The following SLC22A3 variants were observed in gnomAD, a reference collection of about 807,000 sequenced individuals.
SLC22A3 encodes EMT organic cation transporter 3.
SLC22A3 carries 51 observed loss-of-function variants against 59.1 expected under a neutral mutation model. The ratio of observed to expected loss-of-function variants is 0.86; its 90% CI spans 0.69 to 1.09. SLC22A3 has a LOEUF of 1.09. Ranked by LOEUF, SLC22A3 falls within the 50% of genes least tolerant of loss-of-function variation. The probability of loss-of-function intolerance (pLI) is 0.00; values close to 1 mark genes in which losing one functional copy is unlikely to be tolerated. For synonymous variants in SLC22A3, 325 were observed against 292.0 expected, an observed-to-expected ratio of 1.11 and a Z score of -1.15; for missense variants, 711 against 726.3, an observed-to-expected ratio of 0.98 and a Z score of 0.24.
At chr6:160,450,519 G>A (rs1401106407) in intron 10 of SLC22A3, among the ~76,000 whole-genome samples, 1 of 152,140 alleles carries the variant, frequency 6.6e-6, no homozygotes, top group Non-Finnish European at 1.5e-5. Context: ...CACAGTAGTG[G>A]TCCTGAGGGA....
In SLC22A3 at chr6:160,437,241, C is replaced by G. The variant is rs767629943; in HGVS notation, c.1288+30C>G. On this transcript the variant is annotated intron_variant, in intron 7 of 10. Transcript: ENST00000275300. ...TCTTACCCCACATCTGTTTGGCAGC[C>G]AAAGGACTTGAAAACACCTAAATCC... The G allele has an allele frequency of 7.5e-6, 12 of 1,609,722 alleles. No homozygotes were observed. The African/African-American group carries it at 1.5e-4, about 20-fold the overall frequency.
chr6:160,376,103 A>C (rs908416144), intron 1 of SLC22A3, among the ~76,000 whole-genome samples: 2 of 152,186 alleles, frequency 1.3e-5, no homozygotes, highest in African/African-American at 4.8e-5. Flanking sequence ...AACCAACCCA[A>C]ATGCCCATCA....
intron 1 of SLC22A3, among the ~76,000 whole-genome samples, chr6:160,360,633 C>A (rs755509349): frequency 6.6e-6 from 1 of 152,292 alleles, no homozygotes. Flanking sequence ...TGTCCTGACC[C>A]GGAAAGCATT....
rs773434144 is a variant in SLC22A3 at position 160,419,714 on chromosome 6, C to G, written c.975+8868C>G. 6.6e-4 allele frequency among the ~76,000 whole-genome samples: 101 copies of G among 152,318 alleles called. 1 individual carries two copies. Among genetic ancestry groups the G allele is most frequent in the Middle Eastern group, 3.4e-3 (1 of 294 alleles). Reference sequence around the variant, plus strand: ...GGATGAATGGTGCCAATTCTACCAGCAAAGCCTTCATCTTTAAAATGACTC... The same window carrying G: ...GGATGAATGGTGCCAATTCTACCAGGAAAGCCTTCATCTTTAAAATGACTC... On this transcript the variant is annotated intron_variant, in intron 5 of 10. Transcript: ENST00000275300.
intron 10 of SLC22A3, among the ~76,000 whole-genome samples, chr6:160,449,132 T>C (rs995039416): frequency 6.6e-6 from 1 of 152,114 alleles, no homozygotes; most frequent in Admixed American, 6.6e-5. Context: ...CAGGAAAAAA[T>C]GGAAGAAAAG....
rs1474511246 is a variant in SLC22A3 at position 160,408,892 on chromosome 6, G to A, written c.828G>A (p.Leu276=). ...AAGGAATCCAGTTAGCCATCACGCT[G>A]CCCAGCTTTCTCTTCCTCCTTTATT... is the stretch of plus-strand genomic sequence containing the variant. ...NWQGIQLAIT[L]PSFLFLLYYW... Residue 276 remains leucine (L), a synonymous_variant, in exon 4 of 11, where the codon CTG becomes CTA. Coordinates refer to ENST00000275300, the MANE Select transcript of SLC22A3 (RefSeq NM_021977.4). The A allele has an allele frequency of 4.3e-6, 7 of 1,613,474 alleles. No homozygotes were observed. The highest frequency in any genetic ancestry group is 5.9e-6 in the Non-Finnish European group (7 of 1,179,848).
At chr6:160,424,329 G>T (rs1787871030) in intron 5 of SLC22A3, among the ~76,000 whole-genome samples, 1 of 152,158 alleles carries the variant, frequency 6.6e-6, no homozygotes, top group African/African-American at 2.4e-5. Context: ...ATAATAAATT[G>T]AAAGGTGTTA....
At chr6:160,422,217 G>T (rs1252887773) in intron 5 of SLC22A3, among the ~76,000 whole-genome samples, 1 of 152,206 alleles carries the variant, frequency 6.6e-6, no homozygotes, top group East Asian at 1.9e-4. Flanking sequence ...CACAGCACTA[G>T]ATTGAACATT....
Position 160,451,100 on chromosome 6 carries a change from T to C in SLC22A3, c.*44T>C, listed in dbSNP as rs1401365441. 2 of 1,554,296 alleles carry C rather than the reference T, an allele frequency of 1.3e-6. No individual in the cohort carries two copies. Among genetic ancestry groups the C allele is most frequent in the East Asian group, 4.7e-5 (2 of 42,302 alleles). ...AAAGAAGGAGCTATCCAGGAGCTGATCCTCCTTGCAAAGCTGTGCCTTGCA... is the reference window on the plus strand; with the variant it reads ...AAAGAAGGAGCTATCCAGGAGCTGACCCTCCTTGCAAAGCTGTGCCTTGCA... On this transcript the variant is annotated 3_prime_UTR_variant, in exon 11 of 11. Transcript: ENST00000275300.
intron 8 of SLC22A3, 58 bp downstream of exon 8, chr6:160,442,927 G>C: frequency 7.6e-7 from 1 of 1,309,446 alleles, no homozygotes; most frequent in Non-Finnish European, 1.1e-6. Context: ...AGCGTTTTAA[G>C]TTGATTTAGT....
chr6:160,371,658 T>C (rs1785403616), intron 1 of SLC22A3, among the ~76,000 whole-genome samples: 1 of 152,212 alleles, frequency 6.6e-6, no homozygotes, highest in African/African-American at 2.4e-5. Context: ...GTGCAGCGTG[T>C]TTCTAGTAGA....
At chr6:160,409,761 A>G (rs1422197300) in intron 4 of SLC22A3, among the ~76,000 whole-genome samples, 1 of 152,234 alleles carries the variant, frequency 6.6e-6, no homozygotes, top group Non-Finnish European at 1.5e-5. Context: ...GAATTAATAA[A>G]ATACCAGAAC....
In SLC22A3 at chr6:160,436,741, TTC is replaced by T. The variant is rs1216017307; in HGVS notation, c.976-37_976-36del. ...TCTATACTATGCAGGTTTTTTTTTT[TTC>T]TGTCTATTGCTACTGAAATCTGCTT... is the stretch of plus-strand genomic sequence containing the variant. On this transcript the variant is annotated intron_variant, in intron 5 of 10. Coordinates refer to ENST00000275300, the MANE Select transcript of SLC22A3 (RefSeq NM_021977.4). 13 of 1,374,294 alleles carry T rather than the reference TTC, an allele frequency of 9.5e-6. No homozygotes were observed. In the Admixed American group the frequency reaches 1.9e-4, roughly 20 times the overall value. 85.1% of individuals were successfully genotyped at this position (1,374,294 alleles called of 1,614,324 possible). A position where few individuals can be genotyped will look rare whatever the true frequency, so the allele number is the denominator to read the frequency against.
intron 7 of SLC22A3, among the ~76,000 whole-genome samples, chr6:160,439,792 G>C (rs552898319): frequency 6.6e-6 from 1 of 152,278 alleles, no homozygotes; most frequent in African/African-American, 2.4e-5. Flanking sequence ...AGTCATGACT[G>C]ACTGGCAAGA....
intron 1 of SLC22A3, among the ~76,000 whole-genome samples, chr6:160,359,903 A>G (rs1583442843): frequency 6.6e-6 from 1 of 152,372 alleles, no homozygotes; most frequent in East Asian, 1.9e-4. Context: ...AAGAAAAATT[A>G]ATTATGACTC....
chr6:160,374,095 G>T (rs1413926602), intron 1 of SLC22A3, among the ~76,000 whole-genome samples: 3 of 152,184 alleles, frequency 2.0e-5, no homozygotes, highest in Non-Finnish European at 4.4e-5. Flanking sequence ...CTGCCCAAAT[G>T]GCTGCCCAGT....
At chr6:160,436,223 G>A (rs918271816) in intron 5 of SLC22A3, among the ~76,000 whole-genome samples, 1 of 152,138 alleles carries the variant, frequency 6.6e-6, no homozygotes, top group African/African-American at 2.4e-5. Context: ...TCAGTGTTTT[G>A]TATGTAGTTG....
chr6:160,400,403 T>C (rs1328209252), intron 2 of SLC22A3, among the ~76,000 whole-genome samples: 1 of 151,890 alleles, frequency 6.6e-6, no homozygotes, highest in Non-Finnish European at 1.5e-5. Flanking sequence ...AGAAGGGAAA[T>C]ACCCAGCTCC....
intron 7 of SLC22A3, among the ~76,000 whole-genome samples, chr6:160,441,664 G>T (rs1163080272): frequency 1.4e-5 from 2 of 139,572 alleles, no homozygotes; most frequent in African/African-American, 5.5e-5. Context: ...GAAGTCTACT[G>T]GGCTTGATTC....
Sources: gnomAD v4.1 joint callset for allele counts (sites outside exome capture counted in the v4.1 genomes callset) on GRCh38, gnomAD v4.1.1 for gene constraint, MANE v1.5 for transcripts, NCBI Gene and HGNC (gene_info 2026-07-23, HGNC 2026-07-21) for gene names.